The following MRPS24 variants were observed in gnomAD, a reference collection of about 807,000 sequenced individuals.
The protein encoded by MRPS24 is small ribosomal subunit protein uS3m.
Under a neutral mutation model 21.8 loss-of-function variants are expected in MRPS24, and 15 were observed. That is an observed-to-expected ratio of 0.69 (90% CI 0.46 to 1.06). The LOEUF (loss-of-function observed/expected upper bound fraction) is 1.06. MRPS24 is among the 50% of genes least tolerant of loss of function. MRPS24 has a pLI of 0.00. For synonymous variants in MRPS24, 93 were observed against 93.7 expected (o/e 0.99, Z 0.04); for missense variants, 224 against 219.1 (o/e 1.02, Z -0.14).
chr7:43,867,924 T>C (rs1585774826), intron 3 of MRPS24: 1 of 152,246 alleles, frequency 6.6e-6, no homozygotes, highest in Non-Finnish European at 1.5e-5. Context: ...TTGTTCACAA[T>C]AGTTATATTC....
chr7:43,867,551 A>AC (rs2095837432), intron 3 of MRPS24: 1 of 56,664 alleles, frequency 1.8e-5, no homozygotes, highest in Admixed American at 3.4e-4. Flanking sequence ...TTTTTTTGAG[A>AC]TGGAGTCTCA....
Position 43,866,829 on chromosome 7 carries a change from C to A in MRPS24, c.374G>T (p.Arg125Met), listed in dbSNP as rs765251366. 13 of 1,614,116 alleles carry A rather than the reference C, an allele frequency of 8.1e-6. No individual in the cohort carries two copies. The African/African-American group carries it at 1.7e-4, about 22-fold the overall frequency. ...GTAGTACTTGTGTGGAGACAACTGCCTCAGGACCACGGCACAGATCTCCAA... is the reference window on the plus strand; with the variant it reads ...GTAGTACTTGTGTGGAGACAACTGCATCAGGACCACGGCACAGATCTCCAA... ...NQLEICAVVL[R>M]QLSPHKYYFL... Residue 125 changes from arginine (R) to methionine (M), a missense_variant, in exon 4 of 4, where the codon AGG (arginine) becomes ATG (methionine). By Grantham distance (91) the Arg-to-Met change is moderately conservative (BLOSUM62 -1). Coordinates refer to ENST00000317534, the MANE Select transcript of MRPS24 (RefSeq NM_032014.3).
chr7:43,867,044 CCA>C, intron 3 of MRPS24, 62 bp from the exon 4 acceptor site: 21 of 1,556,064 alleles, frequency 1.3e-5, no homozygotes, highest in Non-Finnish European at 1.8e-5. Context: ...TGCCATAACT[CCA>C]GAGTCAACAT....
At position 43,869,231 on chromosome 7, in the gene MRPS24, C is replaced by T. The variant is rs2095838850; in HGVS notation, c.108+77G>A. On this transcript the variant is annotated intron_variant, in intron 2 of 3. Transcript: ENST00000317534. This position sits in a 1 kb window ranked among gnomAD's most constrained non-coding sequence, Gnocchi z 4.8. ...GCCTCGGACCCCAGCGACACGCCCC[C>T]TTCAGCCCGCACGGCTTCCCCGGCC... 2.0e-6 allele frequency: 3 copies of T among 1,482,910 alleles called. No homozygotes were observed. The highest frequency in any genetic ancestry group is 2.7e-6 in the Non-Finnish European group (3 of 1,121,290). 91.9% of individuals were successfully genotyped at this position (1,482,910 alleles called of 1,614,324 possible).
chr7:43,866,726 G>A lies in MRPS24; in HGVS notation c.477C>T (p.Pro159=). ...AGAGGTACTTATACACAACCTTTGAGGGCACAGTTTGGAGGTGGAGTCGCA... is the reference window on the plus strand; with the variant it reads ...AGAGGTACTTATACACAACCTTTGAAGGCACAGTTTGGAGGTGGAGTCGCA... The part of the protein sequence containing the change: ...CPVRLHLQTV[P]SKVVYKYL The change falls in exon 4 of 4, where the codon CCC becomes CCT. Residue 159 remains proline (P), a synonymous_variant. Transcript: ENST00000317534. 2 of 1,614,204 alleles carry A rather than the reference G, an allele frequency of 1.2e-6. No homozygotes were observed. Among genetic ancestry groups the A allele is most frequent in the Non-Finnish European group, 1.7e-6 (2 of 1,180,044 alleles).
rs2095838907 is a variant in MRPS24, at chr7:43,869,265, C to G, written c.108+43G>C. 4 of 1,417,830 alleles carry G rather than the reference C, an allele frequency of 2.8e-6. No individual in the cohort carries two copies. Among genetic ancestry groups the G allele is most frequent in the African/African-American group, 1.5e-5 (1 of 68,498 alleles). 87.8% of individuals were successfully genotyped at this position (1,417,830 alleles called of 1,614,324 possible). On this transcript the variant is annotated intron_variant, in intron 2 of 3. Coordinates refer to ENST00000317534, the MANE Select transcript of MRPS24 (RefSeq NM_032014.3). The surrounding 1 kb of genome is among the most constrained non-coding windows in gnomAD (Gnocchi z 4.8). Reference sequence around the variant, plus strand: ...GCACGGCTTCCCCGGCCCCCGGCCCCCCGGCCCCCAGGCCCCCAGGCCCCT... The same window carrying G: ...GCACGGCTTCCCCGGCCCCCGGCCCGCCGGCCCCCAGGCCCCCAGGCCCCT...
At chr7:43,868,795 T>A (rs73693907) in intron 3 of MRPS24, 168 bp downstream of exon 3, 24 of 859,570 alleles carry the variant, frequency 2.8e-5, no homozygotes, top group Non-Finnish European at 3.6e-5. Flanking sequence ...TGTTTCAACA[T>A]CCTGATCTAT....
chr7:43,869,199 T>C lies in MRPS24; in HGVS notation c.108+109A>G. 1.4e-6 allele frequency: 2 copies of C among 1,428,924 alleles called. No homozygotes were observed. Among genetic ancestry groups the C allele is most frequent in the Non-Finnish European group, 1.8e-6 (2 of 1,088,160 alleles). 88.5% of individuals were successfully genotyped at this position (1,428,924 alleles called of 1,614,324 possible). ...TCCCCTGATCCCTAAGCCCCGACCC[T>C]AGCCCCGCCTCGGACCCCAGCGACA... On this transcript the variant is annotated intron_variant, in intron 2 of 3. Coordinates refer to ENST00000317534, the MANE Select transcript of MRPS24 (RefSeq NM_032014.3). This position sits in a 1 kb window ranked among gnomAD's most constrained non-coding sequence, Gnocchi z 4.8.
At position 43,866,669 on chromosome 7, in the gene MRPS24, C is replaced by A. The variant is rs185601327; in HGVS notation, c.*30G>T. On this transcript the variant is annotated 3_prime_UTR_variant, in exon 4 of 4. Transcript: ENST00000317534. ...TTCCCACGTTTCCATTCTCTGCAGG[C>A]TACAGCTTGATGGAAAAAAGGGGAT... 1,174 of 1,608,330 alleles carry A rather than the reference C, an allele frequency of 7.3e-4. 8 individuals carry two copies. In the African/African-American group the frequency reaches 0.014, roughly 19 times the overall value.
rs1484036489 is a variant in MRPS24 at position 43,869,237 on chromosome 7, C to G, written c.108+71G>C. ...GACCCCAGCGACACGCCCCCTTCAG[C>G]CCGCACGGCTTCCCCGGCCCCCGGC... On this transcript the variant is annotated intron_variant, in intron 2 of 3. Coordinates refer to ENST00000317534, the MANE Select transcript of MRPS24 (RefSeq NM_032014.3). The surrounding 1 kb of genome is among the most constrained non-coding windows in gnomAD (Gnocchi z 4.8). 3 of 1,485,428 alleles carry G rather than the reference C, an allele frequency of 2.0e-6. No individual in the cohort carries two copies. Among genetic ancestry groups the G allele is most frequent in the Non-Finnish European group, 2.7e-6 (3 of 1,122,614 alleles). 92.0% of individuals were successfully genotyped at this position (1,485,428 alleles called of 1,614,324 possible).
chr7:43,869,296 G>A lies in MRPS24; in HGVS notation c.108+12C>T. On this transcript the variant is annotated intron_variant, in intron 2 of 3. Coordinates refer to ENST00000317534, the MANE Select transcript of MRPS24 (RefSeq NM_032014.3). This position sits in a 1 kb window ranked among gnomAD's most constrained non-coding sequence, Gnocchi z 4.8. Reference sequence around the variant, plus strand: ...CCCCAGGCCCCCAGGCCCCTGCCCCGGCGGTGCTCACCTTGGCGCAGACCG... The same window carrying A: ...CCCCAGGCCCCCAGGCCCCTGCCCCAGCGGTGCTCACCTTGGCGCAGACCG... 1.1e-6 allele frequency: 1 copy of A among 894,360 alleles called. No homozygotes were observed. The highest frequency in any genetic ancestry group is 1.6e-6 in the Non-Finnish European group (1 of 634,534). The allele number at this position is 894,360 out of a possible 1,614,324, so 55.4% of individuals were successfully genotyped here. A position where few individuals can be genotyped will look rare whatever the true frequency, so the allele number is the denominator to read the frequency against.
Position 43,869,154 on chromosome 7 carries a change from G to C in MRPS24, c.109-80C>G. On this transcript the variant is annotated intron_variant, in intron 2 of 3. Transcript: ENST00000317534. The surrounding 1 kb of genome is among the most constrained non-coding windows in gnomAD (Gnocchi z 4.8). ...CGCGCCATGTCCCCCCAGTCAGCTG[G>C]CACTGTTCCCCGGCCCCAATCCCCT... is the stretch of plus-strand genomic sequence containing the variant. 6.6e-7 allele frequency: 1 copy of C among 1,512,274 alleles called. No individual in the cohort carries two copies. 93.7% of individuals were successfully genotyped at this position (1,512,274 alleles called of 1,614,324 possible).
chr7:43,869,411 GA>G lies in MRPS24; in HGVS notation c.40-36del. 1.3e-6 allele frequency: 2 copies of G among 1,551,280 alleles called. No individual in the cohort carries two copies. Among genetic ancestry groups the G allele is most frequent in the Non-Finnish European group, 1.7e-6 (2 of 1,147,756 alleles). The stretch of plus-strand genomic sequence containing the variant: ...GAGGGCGCGTGAGGCGGAAACTAGG[GA>G]CCCCACCTCCGACTCGCAGGGACCT... On this transcript the variant is annotated intron_variant, in intron 1 of 3. Transcript: ENST00000317534. This position sits in a 1 kb window ranked among gnomAD's most constrained non-coding sequence, Gnocchi z 4.8.
At chr7:43,868,856 G>A (rs1317921588) in intron 3 of MRPS24, 107 bp downstream of exon 3, 19 of 1,352,930 alleles carry the variant, frequency 1.4e-5, no homozygotes, top group Admixed American at 1.3e-4. Context: ...ATAGATTTCT[G>A]ACCCTAGCAT....
At position 43,867,192 on chromosome 7, in the gene MRPS24, G is replaced by A. The variant is rs373664669; in HGVS notation, c.221-210C>T. ...ATTCCCAAGCCAATTCAGTTTAGTA[G>A]GTATTATCATTATCCTTATTTTACA... On this transcript the variant is annotated intron_variant, in intron 3 of 3. Transcript: ENST00000317534. 6.3e-4 allele frequency among the ~76,000 whole-genome samples: 96 copies of A among 152,302 alleles called. 1 individual carries two copies. In the South Asian group the frequency reaches 0.019, roughly 31 times the overall value.
intron 3 of MRPS24, 40 bp downstream of exon 3, chr7:43,868,923 C>T: frequency 6.2e-7 from 1 of 1,602,870 alleles, no homozygotes; most frequent in East Asian, 2.2e-5. Context: ...ACATGACAGT[C>T]GGATTGAGTG....
rs200556638 is a variant in MRPS24, at chr7:43,869,376, C to A, written c.40G>T (p.Val14Leu). The change falls in exon 2 of 4, where the codon GTG (valine) becomes TTG (leucine). Residue 14 changes from valine to leucine, a missense_variant and splice_region_variant. By Grantham distance (32) the Val-to-Leu change is conservative (BLOSUM62 1). Transcript: ENST00000317534. This position sits in a 1 kb window ranked among gnomAD's most constrained non-coding sequence, Gnocchi z 4.8. ...SVCSGLLGPR[V>L]LSWSRELPCA... Reference sequence around the variant, plus strand: ...GGCAGCTCTCGGCTCCAGGACAGCACCTGTGGAGGGAGGGCGCGTGAGGCG... The same window carrying A: ...GGCAGCTCTCGGCTCCAGGACAGCAACTGTGGAGGGAGGGCGCGTGAGGCG... The A allele has an allele frequency of 4.5e-4, 704 of 1,549,836 alleles. No homozygotes were observed. Among genetic ancestry groups the A allele is most frequent in the Non-Finnish European group, 5.9e-4 (672 of 1,146,792 alleles).
chr7:43,869,277 G>GC lies in MRPS24; in HGVS notation c.108+30dup. The GC allele has an allele frequency of 2.0e-6, 3 of 1,480,634 alleles. No individual in the cohort carries two copies. Among genetic ancestry groups the GC allele is most frequent in the South Asian group, 2.5e-5 (2 of 80,468 alleles). The allele number at this position is 1,480,634 out of a possible 1,614,324, so 91.7% of individuals were successfully genotyped here. A position where few individuals can be genotyped will look rare whatever the true frequency, so the allele number is the denominator to read the frequency against. On this transcript the variant is annotated intron_variant, in intron 2 of 3. Transcript: ENST00000317534. This position sits in a 1 kb window ranked among gnomAD's most constrained non-coding sequence, Gnocchi z 4.8. Reference sequence around the variant, plus strand: ...CGGCCCCCGGCCCCCCGGCCCCCAGGCCCCCAGGCCCCTGCCCCGGCGGTG... The same window carrying GC: ...CGGCCCCCGGCCCCCCGGCCCCCAGGCCCCCCAGGCCCCTGCCCCGGCGGTG...
intron 3 of MRPS24, chr7:43,867,411 G>A: frequency 5.2e-6 from 1 of 193,726 alleles, no homozygotes; most frequent in Non-Finnish European, 1.1e-5. Flanking sequence ...GTTCCTCAGT[G>A]TGAACTGTGG....
Sources: allele counts gnomAD v4.1 joint callset (sites outside exome capture counted in the v4.1 genomes callset), GRCh38; gene constraint gnomAD v4.1.1; non-coding constraint Gnocchi (gnomAD v3.1); transcripts MANE v1.5; gene names NCBI Gene and HGNC (gene_info 2026-07-23, HGNC 2026-07-21).